Variants in NUP98 observed in about 807,000 individuals in gnomAD.
NUP98 encodes nuclear pore complex protein Nup98-Nup96.
Under a neutral mutation model 191.9 loss-of-function variants are expected in NUP98, and 26 were observed. That is an observed-to-expected ratio of 0.14 (90% confidence interval 0.10 to 0.19). The LOEUF is 0.19. Among genes scored for constraint, NUP98 ranks in the 10% least tolerant of loss-of-function variants. The pLI is 1.00. For missense variants in NUP98, 1,941 were observed against 2,178.8 expected (o/e 0.89, Z 2.17); for synonymous variants, 808 against 778.4 (o/e 1.04, Z -0.63).
At chr11:3,705,151 C>T (rs762275791) in intron 22 of NUP98, 49 bp downstream of exon 22, 11 of 1,587,104 alleles carry the variant, frequency 6.9e-6, no homozygotes, top group Non-Finnish European at 9.5e-6. Flanking sequence ...AAAAGCAGGA[C>T]TTGATGACTG....
chr11:3,737,013 G>C (rs1293915380), intron 12 of NUP98, among the ~76,000 whole-genome samples: 1 of 152,044 alleles, frequency 6.6e-6, no homozygotes, highest in Non-Finnish European at 1.5e-5. Context: ...TAACAATGAA[G>C]ACTATTCATG....
At chr11:3,795,628 A>G (rs759612707) in intron 1 of NUP98, among the ~76,000 whole-genome samples, 1 of 152,206 alleles carries the variant, frequency 6.6e-6, no homozygotes, top group Non-Finnish European at 1.5e-5. Context: ...CTATGTGGCA[A>G]GCAACTGGAC....
In NUP98 at chr11:3,763,034, T is replaced by C. The variant is rs746262830; in HGVS notation, c.954A>G (p.Leu318=). Residue 318 remains leucine (L), a synonymous_variant, in exon 9 of 33, where the codon TTA becomes TTG. Coordinates refer to ENST00000324932, the MANE Select transcript of NUP98 (RefSeq NM_016320.5). Reference sequence around the variant, plus strand: ...GCTGTGAGGCTTGGGTTACTCCAAATAATCCCTGCAAAGAAGTTTATATAG... The same window carrying C: ...GCTGTGAGGCTTGGGTTACTCCAAACAATCCCTGCAAAGAAGTTTATATAG... ...IGQPSTNTMG[L]FGVTQASQPG... 4 of 1,614,000 alleles carry C rather than the reference T, an allele frequency of 2.5e-6. No individual in the cohort carries two copies. In the East Asian group the frequency reaches 6.7e-5, roughly 27 times the overall value.
chr11:3,780,547 A>G (rs1435673680), intron 2 of NUP98, among the ~76,000 whole-genome samples: 1 of 139,756 alleles, frequency 7.2e-6, no homozygotes, highest in Non-Finnish European at 1.5e-5. Context: ...ATCTCAAAAA[A>G]AAAAAAAAAA....
chr11:3,766,519 G>A (rs367851776), intron 8 of NUP98, among the ~76,000 whole-genome samples: 17 of 151,822 alleles, frequency 1.1e-4, no homozygotes, highest in South Asian at 1.0e-3. Flanking sequence ...GTGAAACCCC[G>A]GCTCTACTAA....
intron 11 of NUP98, among the ~76,000 whole-genome samples, chr11:3,748,999 C>A (rs1034359334): frequency 6.6e-6 from 1 of 150,974 alleles, no homozygotes; most frequent in Middle Eastern, 3.4e-3. Context: ...CCACAATACA[C>A]AAAGAATCCT....
intron 6 of NUP98, among the ~76,000 whole-genome samples, chr11:3,772,763 G>A (rs2081572772): frequency 1.3e-5 from 2 of 150,452 alleles, no homozygotes; most frequent in Non-Finnish European, 2.9e-5. Context: ...GTAGTGAGCT[G>A]AGATCACGCC....
At chr11:3,754,737 T>A (rs1194869029) in intron 10 of NUP98, among the ~76,000 whole-genome samples, 2 of 151,958 alleles carry the variant, frequency 1.3e-5, no homozygotes, top group Non-Finnish European at 2.9e-5. Flanking sequence ...AGTTCACAAG[T>A]TCAACGCCAG....
At chr11:3,708,521 T>C (rs569384771) in intron 20 of NUP98, among the ~76,000 whole-genome samples, 1 of 152,256 alleles carries the variant, frequency 6.6e-6, no homozygotes, top group African/African-American at 2.4e-5. Flanking sequence ...ACCTGTAAGA[T>C]ATCATCTAAT....
At chr11:3,756,717 C>T (rs529329778) in intron 10 of NUP98, among the ~76,000 whole-genome samples, 5 of 152,212 alleles carry the variant, frequency 3.3e-5, no homozygotes, top group African/African-American at 9.6e-5. Context: ...TCACCACACT[C>T]GGCTTGTTTT....
Position 3,682,585 on chromosome 11 carries a change from C to A in NUP98, c.4918+615G>T, listed in dbSNP as rs138472052. Among the ~76,000 whole-genome samples the A allele has an allele frequency of 2.5e-3, 378 of 152,228 alleles. 1 individual carries two copies. The highest frequency in any genetic ancestry group is 8.5e-3 in the African/African-American group (351 of 41,522). ...AGAATATGCACATTTATCAACTGACCATCTTATATGGATGCAGTTGGTGGC... is the reference window on the plus strand; with the variant it reads ...AGAATATGCACATTTATCAACTGACAATCTTATATGGATGCAGTTGGTGGC... On this transcript the variant is annotated intron_variant, in intron 30 of 32. Coordinates refer to ENST00000324932, the MANE Select transcript of NUP98 (RefSeq NM_016320.5).
At chr11:3,694,899 T>A (rs911980497) in intron 26 of NUP98, among the ~76,000 whole-genome samples, 1 of 152,020 alleles carries the variant, frequency 6.6e-6, no homozygotes, top group Non-Finnish European at 1.5e-5. Context: ...AATTCTTTTT[T>A]AAATGAACAA....
intron 1 of NUP98, among the ~76,000 whole-genome samples, chr11:3,782,960 C>T (rs1772533756): frequency 6.6e-6 from 1 of 152,114 alleles, no homozygotes; most frequent in African/African-American, 2.4e-5. Flanking sequence ...TTATGCATGC[C>T]CCGCCTTCTA....
chr11:3,699,708 C>G (rs1383205005), intron 24 of NUP98, among the ~76,000 whole-genome samples: 1 of 152,076 alleles, frequency 6.6e-6, no homozygotes, highest in Non-Finnish European at 1.5e-5. Flanking sequence ...ATCATTTAAG[C>G]CACTTACAAG....
At chr11:3,760,163 C>A in intron 10 of NUP98, 1 of 196,274 alleles carries the variant, frequency 5.1e-6, no homozygotes, top group Non-Finnish European at 1.0e-5. Context: ...CCAACAACGA[C>A]AAAAATAAGA....
At position 3,702,280 on chromosome 11, in the gene NUP98, GACAC is replaced by G. The variant is rs537147629; in HGVS notation, c.3512+179_3512+182del. Among the ~76,000 whole-genome samples, 336 of 108,508 alleles carry G rather than the reference GACAC, an allele frequency of 3.1e-3. 5 individuals are homozygous for G. Among genetic ancestry groups the G allele is most frequent in the Middle Eastern group, 4.8e-3 (1 of 210 alleles). 71.2% of individuals were successfully genotyped at this position (108,508 alleles called of 152,430 possible). A position where few individuals can be genotyped will look rare whatever the true frequency, so the allele number is the denominator to read the frequency against. The stretch of plus-strand genomic sequence containing the variant: ...CACCGGGGAAACAGAGCAAAACTGA[GACAC>G]ACACACACACACACACACACACACA... On this transcript the variant is annotated intron_variant, in intron 23 of 32. Transcript: ENST00000324932.
At chr11:3,688,142 C>A (rs1010402690) in intron 28 of NUP98, among the ~76,000 whole-genome samples, 14 of 152,026 alleles carry the variant, frequency 9.2e-5, no homozygotes, top group Admixed American at 8.5e-4. Flanking sequence ...CGGTGGCTCA[C>A]GCCTGTAATC....
chr11:3,786,989 A>C (rs2082163458), intron 1 of NUP98, among the ~76,000 whole-genome samples: 1 of 152,220 alleles, frequency 6.6e-6, no homozygotes, highest in Non-Finnish European at 1.5e-5. Flanking sequence ...AGATGAATGG[A>C]CTGTATAGTA....
chr11:3,713,676 AC>A (rs2079087636), intron 19 of NUP98, 141 bp downstream of exon 19: 1 of 767,794 alleles, frequency 1.3e-6, no homozygotes, highest in African/African-American at 1.8e-5. Context: ...CTATGATCCC[AC>A]CATTGTACTC....
Sources: gnomAD v4.1 joint callset for allele counts (sites outside exome capture counted in the v4.1 genomes callset) on GRCh38, gnomAD v4.1.1 for gene constraint, MANE v1.5 for transcripts, NCBI Gene and HGNC (gene_info 2026-07-23, HGNC 2026-07-21) for gene names.